The following NHEJ1 variants were observed in gnomAD, a reference collection of about 807,000 sequenced individuals.
The protein encoded by NHEJ1 is non-homologous end-joining factor 1.
A neutral mutation model predicts 39.4 loss-of-function variants in NHEJ1; 22 were observed. That is an observed-to-expected ratio of 0.56 (90% CI 0.40 to 0.80). The LOEUF is 0.80. Ranked by LOEUF, NHEJ1 falls within the 30% of genes least tolerant of loss-of-function variation. NHEJ1 has a pLI of 0.00. For missense variants in NHEJ1, 329 were observed against 357.1 expected (o/e 0.92, Z 0.63); for synonymous variants, 154 against 135.6 (o/e 1.14, Z -0.94).
intron 5 of NHEJ1, among the ~76,000 whole-genome samples, chr2:219,145,950 A>T (rs1337159048): frequency 2.6e-5 from 4 of 152,112 alleles, no homozygotes; most frequent in Admixed American, 6.6e-5. Context: ...AATAAAAAAA[A>T]AAAAAAGAAA....
At chr2:219,126,521 T>G (rs1419555592) in intron 5 of NHEJ1, among the ~76,000 whole-genome samples, 3 of 152,242 alleles carry the variant, frequency 2.0e-5, no homozygotes, top group Non-Finnish European at 4.4e-5. Context: ...ACCAGGCAGT[T>G]ATGCGAATCA....
intron 5 of NHEJ1, among the ~76,000 whole-genome samples, chr2:219,112,227 A>G (rs948872572): frequency 6.6e-6 from 1 of 152,196 alleles, no homozygotes; most frequent in African/African-American, 2.4e-5. Context: ...CAATTTAAGT[A>G]ACCTAATGGA....
At chr2:219,129,829 G>A (rs768961303) in intron 5 of NHEJ1, among the ~76,000 whole-genome samples, 10 of 152,152 alleles carry the variant, frequency 6.6e-5, no homozygotes, top group East Asian at 1.9e-4. Flanking sequence ...ACCTTCACCC[G>A]TTCGACAGCC....
intron 3 of NHEJ1, among the ~76,000 whole-genome samples, chr2:219,155,054 T>C (rs1425755951): frequency 6.6e-6 from 1 of 150,888 alleles, no homozygotes; most frequent in African/African-American, 2.4e-5. Context: ...TACTGTATTC[T>C]TTTGAAAGAA....
At chr2:219,127,823 A>T (rs1483339900) in intron 5 of NHEJ1, among the ~76,000 whole-genome samples, 2 of 152,216 alleles carry the variant, frequency 1.3e-5, no homozygotes, top group Non-Finnish European at 2.9e-5. Flanking sequence ...AATCAATCCC[A>T]TACAGGAAAA....
intron 5 of NHEJ1, among the ~76,000 whole-genome samples, chr2:219,115,931 C>T (rs920534957): frequency 1.3e-5 from 2 of 152,122 alleles, no homozygotes; most frequent in African/African-American, 2.4e-5. Flanking sequence ...ACCATGCTGG[C>T]CAACATGGTG....
At chr2:219,097,779 C>A (rs924654494) in intron 5 of NHEJ1, among the ~76,000 whole-genome samples, 7 of 152,052 alleles carry the variant, frequency 4.6e-5, no homozygotes, top group Admixed American at 6.6e-5. Flanking sequence ...GTTGAATATA[C>A]AAGTCTGGGG....
chr2:219,136,292 T>A (rs1949627417), intron 5 of NHEJ1, among the ~76,000 whole-genome samples: 1 of 150,636 alleles, frequency 6.6e-6, no homozygotes, highest in Non-Finnish European at 1.5e-5. Flanking sequence ...GTTTCTTTTT[T>A]TTTTTTTTTT....
chr2:219,119,629 C>T (rs1416929213), intron 5 of NHEJ1, among the ~76,000 whole-genome samples: 5 of 152,220 alleles, frequency 3.3e-5, no homozygotes. Context: ...GTTTTGGCGC[C>T]ACCTGCTGTC....
At chr2:219,084,455 C>G (rs943588274) in intron 5 of NHEJ1, among the ~76,000 whole-genome samples, 1 of 152,198 alleles carries the variant, frequency 6.6e-6, no homozygotes, top group Admixed American at 6.5e-5. Flanking sequence ...CAGGGAGACA[C>G]AGAAATCTAC....
At chr2:219,096,969 G>A (rs1949214458) in intron 5 of NHEJ1, among the ~76,000 whole-genome samples, 3 of 152,160 alleles carry the variant, frequency 2.0e-5, no homozygotes, top group African/African-American at 7.2e-5. Flanking sequence ...CAGCTTCCAG[G>A]TTCAGAAGAG....
intron 5 of NHEJ1, among the ~76,000 whole-genome samples, chr2:219,102,929 C>T (rs1417574039): frequency 4.6e-5 from 6 of 130,480 alleles, no homozygotes; most frequent in Non-Finnish European, 7.8e-5. Context: ...GGCGTGAACC[C>T]GGGAGGCGGA....
At chr2:219,144,931 T>C (rs2106360302) in intron 5 of NHEJ1, among the ~76,000 whole-genome samples, 1 of 152,256 alleles carries the variant, frequency 6.6e-6, no homozygotes, top group Non-Finnish European at 1.5e-5. Context: ...AAACCTTTTC[T>C]AGGCTAGGCA....
intron 5 of NHEJ1, among the ~76,000 whole-genome samples, chr2:219,142,345 G>C (rs1397186655): frequency 1.3e-5 from 2 of 152,206 alleles, no homozygotes; most frequent in African/African-American, 4.8e-5. Flanking sequence ...TTCCTAGCCA[G>C]GGGTTGCCAG....
At chr2:219,145,242 C>G (rs1275601813) in intron 5 of NHEJ1, among the ~76,000 whole-genome samples, 1 of 152,068 alleles carries the variant, frequency 6.6e-6, no homozygotes, top group Non-Finnish European at 1.5e-5. Flanking sequence ...ACAACAACAA[C>G]AACAACAAAA....
At chr2:219,081,123 G>A (rs1949063456) in intron 5 of NHEJ1, among the ~76,000 whole-genome samples, 1 of 152,182 alleles carries the variant, frequency 6.6e-6, no homozygotes, top group African/African-American at 2.4e-5. Flanking sequence ...AAGGAGACAG[G>A]TGGACCAGAT....
At position 219,111,372 on chromosome 2, in the gene NHEJ1, G is replaced by C. The variant is rs182636049; in HGVS notation, c.589-33166C>G. On this transcript the variant is annotated intron_variant, in intron 5 of 7. Transcript: ENST00000356853. The surrounding 1 kb of genome is among the most constrained non-coding windows in gnomAD (Gnocchi z 4.1). ...GGGATGGTACAGCTTTTAAAAGAGG[G>C]GACCAGCTCTCAAATCCTGCATTCT... Among the ~76,000 whole-genome samples, 1 of 152,224 alleles carries C rather than the reference G, an allele frequency of 6.6e-6. No homozygotes were observed. Among genetic ancestry groups the C allele is most frequent in the Admixed American group, 6.5e-5 (1 of 15,282 alleles).
rs58279021 is a variant in NHEJ1, at chr2:219,137,570, CAAAAAAAAAAA to C, written c.588+9099_588+9109del. On this transcript the variant is annotated intron_variant, in intron 5 of 7. Transcript: ENST00000356853. ...AATGGAGAAATAAATGTGTTACAGG[CAAAAAAAAAAA>C]AAAAAAAAAAACAAAAAAAACTGAA... Among the ~76,000 whole-genome samples, 5 of 34,726 alleles carry C rather than the reference CAAAAAAAAAAA, an allele frequency of 1.4e-4. 1 individual carries two copies. The highest frequency in any genetic ancestry group is 1.8e-3 in the South Asian group (1 of 564). The allele number at this position is 34,726 out of a possible 152,430, so 22.8% of individuals were successfully genotyped here. A position where few individuals can be genotyped will look rare whatever the true frequency, so the allele number is the denominator to read the frequency against.
chr2:219,078,093 G>A lies in NHEJ1; in HGVS notation c.702C>T (p.Gly234=), dbSNP rs754484855. The change falls in exon 6 of 8, where the codon GGC becomes GGT. Residue 234 remains glycine, a synonymous_variant. Transcript: ENST00000356853. ...QEVQVGQKHQ[G]AGDPHTSNSA... is the part of the protein sequence containing the mutation. ...GGGTACCTCTGGAGGGCTCACCAGC[G>A]CCTTGATGCTTCTGTCCCACTTGGA... The A allele has an allele frequency of 1.6e-5, 25 of 1,612,328 alleles. No homozygotes were observed. Among genetic ancestry groups the A allele is most frequent in the East Asian group, 4.5e-5 (2 of 44,894 alleles).
Sources: gnomAD v4.1 joint callset for allele counts (sites outside exome capture counted in the v4.1 genomes callset) on GRCh38, gnomAD v4.1.1 for gene constraint, Gnocchi (gnomAD v3.1) non-coding constraint, MANE v1.5 for transcripts, NCBI Gene and HGNC (gene_info 2026-07-23, HGNC 2026-07-21) for gene names.